CAMK2G: variants seen among roughly 807,000 people sequenced by gnomAD.
CAMK2G encodes the protein calcium/calmodulin-dependent protein kinase type II subunit gamma.
CAMK2G carries 23 observed loss-of-function variants against 88.7 expected under a neutral mutation model. The observed-to-expected ratio is 0.26, with a 90% confidence interval of 0.19 to 0.37. The LOEUF (loss-of-function observed/expected upper bound fraction) is 0.37, where lower values mean the gene tolerates loss of function less well. Ranked by LOEUF, CAMK2G falls within the 10% of genes least tolerant of loss-of-function variation. The pLI is 1.00. For synonymous variants in CAMK2G, 263 were observed against 294.8 expected (o/e 0.89, Z 1.11); for missense variants, 476 against 780.8 (o/e 0.61, Z 4.65).
chr10:73,820,080 AT>A lies in CAMK2G; in HGVS notation c.1250-436del, dbSNP rs568368522. Among the ~76,000 whole-genome samples, 3 of 151,812 alleles carry A rather than the reference AT, an allele frequency of 2.0e-5. No individual in the cohort carries two copies. The East Asian group carries it at 5.8e-4, about 29-fold the overall frequency. On this transcript the variant is annotated intron_variant, in intron 18 of 22. Transcript: ENST00000423381. ...ATTCACTTCCTCGCAGCTTTCTGCTATTTTTTTTGGTTCCAAAAGGTTTGGT... is the reference window on the plus strand; with the variant it reads ...ATTCACTTCCTCGCAGCTTTCTGCTATTTTTTTGGTTCCAAAAGGTTTGGT...
chr10:73,864,464 G>A (rs762827099), intron 2 of CAMK2G, among the ~76,000 whole-genome samples: 7 of 152,164 alleles, frequency 4.6e-5, no homozygotes, highest in South Asian at 2.1e-4. Flanking sequence ...TCAACAGCAC[G>A]TTAGATGTCA....
At chr10:73,865,598 G>T (rs1286362203) in intron 2 of CAMK2G, among the ~76,000 whole-genome samples, 1 of 152,208 alleles carries the variant, frequency 6.6e-6, no homozygotes, top group Non-Finnish European at 1.5e-5. Context: ...GCAGCAGAGG[G>T]GTTCCAGGAT....
At position 73,842,047 on chromosome 10, in the gene CAMK2G, C is replaced by T. The variant is rs912452810; in HGVS notation, c.946+122G>A. The T allele has an allele frequency of 2.4e-5, 19 of 786,780 alleles. No individual in the cohort carries two copies. The highest frequency in any genetic ancestry group is 4.4e-5 in the Non-Finnish European group (19 of 436,506). The allele number at this position is 786,780 out of a possible 1,614,324, so 48.7% of individuals were successfully genotyped here. A position where few individuals can be genotyped will look rare whatever the true frequency, so the allele number is the denominator to read the frequency against. On this transcript the variant is annotated intron_variant, in intron 12 of 22. Transcript: ENST00000423381. The surrounding 1 kb of genome is among the most constrained non-coding windows in gnomAD (Gnocchi z 4.6). ...GCAGCCCCTCAAAACAGGATCCTCA[C>T]TCGCCCTGGTCAAGGTGTGGCCCAG...
intron 14 of CAMK2G, among the ~76,000 whole-genome samples, chr10:73,836,840 G>A (rs2134159283): frequency 6.6e-6 from 1 of 152,306 alleles, no homozygotes; most frequent in South Asian, 2.1e-4. Context: ...ATTCCCAGCA[G>A]GGCTCCTGGT....
At chr10:73,865,189 C>T (rs1403964310) in intron 2 of CAMK2G, among the ~76,000 whole-genome samples, 1 of 152,210 alleles carries the variant, frequency 6.6e-6, no homozygotes, top group African/African-American at 2.4e-5. Context: ...AGCCCTCCTG[C>T]CTGGCTTCTG....
intron 18 of CAMK2G, among the ~76,000 whole-genome samples, chr10:73,820,488 A>T (rs199723990): frequency 0.022 from 1,000 of 46,406 alleles, 14 homozygotes; most frequent in African/African-American, 0.044. Context: ...ATATATATAT[A>T]TATATTTTTT....
At chr10:73,872,194 CAG>C in intron 2 of CAMK2G, among the ~76,000 whole-genome samples, 1 of 152,316 alleles carries the variant, frequency 6.6e-6, no homozygotes, top group South Asian at 2.1e-4. Context: ...ATAGGAAGTT[CAG>C]AGAGTGTAGG....
At chr10:73,857,980 C>G (rs528452585) in intron 3 of CAMK2G, among the ~76,000 whole-genome samples, 1 of 152,334 alleles carries the variant, frequency 6.6e-6, no homozygotes, top group South Asian at 2.1e-4. Context: ...TACCCCACGT[C>G]CCCCACATGC....
intron 14 of CAMK2G, among the ~76,000 whole-genome samples, chr10:73,830,347 C>A (rs978828002): frequency 6.6e-6 from 1 of 152,180 alleles, no homozygotes; most frequent in African/African-American, 2.4e-5. Flanking sequence ...TCATGGCTCA[C>A]TGCAGCCTCA....
At chr10:73,854,180 A>G (rs1358133665) in intron 3 of CAMK2G, among the ~76,000 whole-genome samples, 1 of 152,194 alleles carries the variant, frequency 6.6e-6, no homozygotes, top group Non-Finnish European at 1.5e-5. Flanking sequence ...ATCCAAAAGA[A>G]AGACCACTTA....
chr10:73,851,792 C>T (rs1278135199), intron 5 of CAMK2G, among the ~76,000 whole-genome samples: 1 of 150,864 alleles, frequency 6.6e-6, no homozygotes, highest in Non-Finnish European at 1.5e-5. Context: ...GTTACGCAGG[C>T]TGGAGTGCAG....
intron 15 of CAMK2G, among the ~76,000 whole-genome samples, chr10:73,826,839 C>T (rs2091098458): frequency 6.6e-6 from 1 of 152,198 alleles, no homozygotes; most frequent in Non-Finnish European, 1.5e-5. Flanking sequence ...AGCTTGCTGT[C>T]AATGGCTCAG....
At chr10:73,874,123 GC>G in intron 1 of CAMK2G, among the ~76,000 whole-genome samples, 1 of 150,464 alleles carries the variant, frequency 6.6e-6, no homozygotes, top group Non-Finnish European at 1.5e-5. Context: ...GTGCGGAGGG[GC>G]GGGGCTGGAG....
chr10:73,865,883 C>T (rs1400774406), intron 2 of CAMK2G, among the ~76,000 whole-genome samples: 1 of 152,014 alleles, frequency 6.6e-6, no homozygotes, highest in African/African-American at 2.4e-5. Flanking sequence ...CCCAGCCCCC[C>T]CCTTCCTGTT....
At chr10:73,828,249 G>A (rs1038461981) in intron 14 of CAMK2G, 128 bp from the exon 15 acceptor site, 16 of 750,336 alleles carry the variant, frequency 2.1e-5, no homozygotes, top group African/African-American at 3.4e-5. Flanking sequence ...AGGGAGACCC[G>A]GAGTCCAGCA....
chr10:73,813,097 T>G lies in CAMK2G; in HGVS notation c.*1421A>C, dbSNP rs2084574652. The G allele has an allele frequency of 6.5e-6, 1 of 152,728 alleles. No individual in the cohort carries two copies. 9.5% of individuals were successfully genotyped at this position (152,728 alleles called of 1,614,324 possible). The stretch of plus-strand genomic sequence containing the variant: ...GTGCAGATAAATCTGCAGCGTTGTT[T>G]TGAGGGAAACCAAGGCCATGACCAA... On this transcript the variant is annotated 3_prime_UTR_variant, in exon 23 of 23. Coordinates refer to ENST00000423381, the MANE Select transcript of CAMK2G (RefSeq NM_001367534.1).
intron 5 of CAMK2G, among the ~76,000 whole-genome samples, chr10:73,850,145 G>A (rs1257730852): frequency 6.6e-6 from 1 of 152,128 alleles, no homozygotes; most frequent in Non-Finnish European, 1.5e-5. Context: ...ACAAGCATGA[G>A]CCACCGTGCC....
chr10:73,846,849 A>C, intron 10 of CAMK2G: 1 of 192,358 alleles, frequency 5.2e-6, no homozygotes. Context: ...GATCTTGGTC[A>C]CCACTCCAGT....
rs2094424410 is a variant in CAMK2G at position 73,848,765 on chromosome 10, G to C, written c.518-156C>G. On this transcript the variant is annotated intron_variant, in intron 7 of 22. Coordinates refer to ENST00000423381, the MANE Select transcript of CAMK2G (RefSeq NM_001367534.1). The surrounding 1 kb of genome is among the most constrained non-coding windows in gnomAD (Gnocchi z 4.5). ...CAAGAGCTGACAGGCTGGGCTTCTT[G>C]TAGCGCCTGGAATCTGAACCAGACG... Among the ~76,000 whole-genome samples the C allele has an allele frequency of 6.6e-6, 1 of 152,270 alleles. No individual in the cohort carries two copies. Among genetic ancestry groups the C allele is most frequent in the East Asian group, 1.9e-4 (1 of 5,204 alleles).
Sources: gnomAD v4.1 joint callset for allele counts (sites outside exome capture counted in the v4.1 genomes callset) on GRCh38, gnomAD v4.1.1 for gene constraint, Gnocchi (gnomAD v3.1) non-coding constraint, MANE v1.5 for transcripts, NCBI Gene and HGNC (gene_info 2026-07-23, HGNC 2026-07-21) for gene names.